Variants in TMEM164 observed in about 807,000 individuals in gnomAD.
The protein encoded by TMEM164 is transmembrane protein 164.
A neutral mutation model predicts 18.8 loss-of-function variants in TMEM164; 4 were observed. That is an observed-to-expected ratio of 0.21 (90% CI 0.10 to 0.49). TMEM164 has a LOEUF of 0.49. Among genes scored for constraint, TMEM164 ranks in the 20% least tolerant of loss-of-function variants. TMEM164 has a pLI of 0.98. For synonymous variants in TMEM164, 86 were observed against 101.7 expected (o/e 0.85, Z 0.93); for missense variants, 108 against 239.9 (o/e 0.45, Z 3.63).
chrX:110,175,471 T>G lies in TMEM164; in HGVS notation c.*2020T>G. 1 of 114,687 alleles carries G rather than the reference T, an allele frequency of 8.7e-6. No individual in the cohort carries two copies. The highest frequency in any genetic ancestry group is 1.9e-5 in the Non-Finnish European group (1 of 54,035). The allele number at this position is 114,687 out of a possible 1,213,427, so 9.5% of individuals were successfully genotyped here. On this transcript the variant is annotated 3_prime_UTR_variant, in exon 7 of 7. Transcript: ENST00000372068. ...GTGTAGGCCTTCTCCTCCTCCTCGTTTCTGTGGCATGGCACAGGTTGCCTG... is the reference window on the plus strand; with the variant it reads ...GTGTAGGCCTTCTCCTCCTCCTCGTGTCTGTGGCATGGCACAGGTTGCCTG...
intron 3 of TMEM164, among the ~76,000 whole-genome samples, chrX:110,094,737 A>C (rs1282071840): frequency 9.0e-6 from 1 of 111,588 alleles, no homozygotes; most frequent in Non-Finnish European, 1.9e-5. Context: ...TTAGCTGGTT[A>C]TTTTGCTTAT....
chrX:110,119,243 T>G (rs1446081018), intron 4 of TMEM164, among the ~76,000 whole-genome samples: 1 of 112,348 alleles, frequency 8.9e-6, no homozygotes, highest in Non-Finnish European at 1.9e-5. Context: ...CTTTGTGCCT[T>G]TTGTCTTTAT....
intron 2 of TMEM164, among the ~76,000 whole-genome samples, chrX:110,014,724 G>GT (rs1266179129): frequency 0.011 from 975 of 87,894 alleles, 21 homozygotes; most frequent in African/African-American, 0.038. Flanking sequence ...TGGTGAATGG[G>GT]TTTTTTTTTT....
chrX:110,179,750 C>G (rs1602760407), downstream of TMEM164, among the ~76,000 whole-genome samples: 1 of 112,199 alleles, frequency 8.9e-6, no homozygotes, highest in South Asian at 3.7e-4. Context: ...TTACTGGTCT[C>G]TCTCCCTCTG....
At chrX:110,067,201 A>G (rs755953220) in intron 2 of TMEM164, 146 bp from the exon 3 acceptor site, 1 of 513,672 alleles carries the variant, frequency 1.9e-6, no homozygotes, top group Non-Finnish European at 3.3e-6. Context: ...TGCAAGCACA[A>G]ACATGTACCT....
chrX:110,002,875 CA>C (rs1932395583), upstream of TMEM164: 1 of 110,683 alleles, frequency 9.0e-6, no homozygotes, highest in African/African-American at 3.3e-5. Flanking sequence ...GGCTTTAGTC[CA>C]GGGGCCGGCT....
chrX:110,146,063 A>G lies in TMEM164; in HGVS notation c.586+1187A>G, dbSNP rs773193710. On this transcript the variant is annotated intron_variant, in intron 5 of 6. Transcript: ENST00000372068. The stretch of plus-strand genomic sequence containing the variant: ...CTATTTTCCTCACGAGGCTTTAAGG[A>G]AAGTCTGAAGTTCCAATATCCAGGA... Among the ~76,000 whole-genome samples the G allele has an allele frequency of 8.0e-5, 9 of 112,654 alleles. No individual in the cohort carries two copies. The South Asian group carries it at 2.9e-3, about 36-fold the overall frequency.
intron 4 of TMEM164, among the ~76,000 whole-genome samples, chrX:110,131,766 T>A (rs2066615065): frequency 8.9e-6 from 1 of 112,205 alleles, no homozygotes; most frequent in Non-Finnish European, 1.9e-5. Flanking sequence ...CCTTATTGAG[T>A]AAAAAGTCAA....
chrX:110,161,570 G>GTC (rs1254703672), intron 5 of TMEM164, among the ~76,000 whole-genome samples: 2 of 112,054 alleles, frequency 1.8e-5, no homozygotes, highest in African/African-American at 6.5e-5. Context: ...GTGCTCAGGA[G>GTC]TCCTTTGTGG....
intron 3 of TMEM164, among the ~76,000 whole-genome samples, chrX:110,073,808 C>T (rs1251197818): frequency 9.0e-6 from 1 of 111,514 alleles, no homozygotes; most frequent in Non-Finnish European, 1.9e-5. Flanking sequence ...TACAGCCTCA[C>T]CAGCATCTGT....
At chrX:110,003,438 A>C (rs1932461062) in intron 1 of TMEM164, 63 bp from the exon 2 acceptor site, 3 of 178,308 alleles carry the variant, frequency 1.7e-5, no homozygotes, top group African/African-American at 3.2e-5. Context: ...CCCGCTTCCT[A>C]ATTCCCGGTG....
At chrX:110,170,974 C>A (rs1002539867) in intron 5 of TMEM164, among the ~76,000 whole-genome samples, 4 of 111,849 alleles carry the variant, frequency 3.6e-5, no homozygotes, top group African/African-American at 1.3e-4. Flanking sequence ...ACATTCTCAA[C>A]CACTACACCA....
intron 2 of TMEM164, among the ~76,000 whole-genome samples, chrX:110,009,867 C>T (rs1258520554): frequency 9.1e-6 from 1 of 110,187 alleles, no homozygotes. Context: ...GTGGCACGCG[C>T]CTGTAGTCCC....
At chrX:110,006,357 A>G (rs1269231545) in intron 2 of TMEM164, among the ~76,000 whole-genome samples, 1 of 110,997 alleles carries the variant, frequency 9.0e-6, no homozygotes, top group Non-Finnish European at 1.9e-5. Context: ...GCACTTTAGG[A>G]CTCTGAAGCC....
chrX:110,043,106 T>C (rs900145525), intron 2 of TMEM164, among the ~76,000 whole-genome samples: 6 of 112,431 alleles, frequency 5.3e-5, no homozygotes, highest in East Asian at 2.8e-4. Flanking sequence ...TGGGAAGAGA[T>C]GTACACAATC....
intron 2 of TMEM164, among the ~76,000 whole-genome samples, chrX:110,013,423 T>C (rs1375802588): frequency 8.9e-6 from 1 of 111,934 alleles, no homozygotes. Flanking sequence ...AGAAATCAGG[T>C]TGAAGGAAAA....
chrX:110,125,358 A>C (rs1290129005), intron 4 of TMEM164, among the ~76,000 whole-genome samples: 3 of 111,879 alleles, frequency 2.7e-5, no homozygotes, highest in Non-Finnish European at 3.8e-5. Flanking sequence ...CAAAACAAAA[A>C]AACTTTCAAA....
At chrX:110,040,348 A>AT (rs1024922893) in intron 2 of TMEM164, among the ~76,000 whole-genome samples, 3 of 111,271 alleles carry the variant, frequency 2.7e-5, no homozygotes, top group African/African-American at 9.8e-5. Flanking sequence ...CAGTTTACCT[A>AT]TTTTTTACAT....
chrX:110,118,069 C>T (rs2066397583), intron 4 of TMEM164, among the ~76,000 whole-genome samples: 2 of 111,925 alleles, frequency 1.8e-5, no homozygotes, highest in African/African-American at 3.2e-5. Context: ...TGCGCCACCA[C>T]GCCCGGCTAA....
Sources: gnomAD v4.1 joint callset for allele counts (sites outside exome capture counted in the v4.1 genomes callset) on GRCh38, gnomAD v4.1.1 for gene constraint, MANE v1.5 for transcripts, NCBI Gene and HGNC (gene_info 2026-07-23, HGNC 2026-07-21) for gene names.